Variants in AKR1A1 observed in about 807,000 individuals in gnomAD.
AKR1A1 encodes the protein aldo-keto reductase family 1 member A1, also known as HEL-S-165mP.
AKR1A1 carries 26 observed loss-of-function variants against 39.2 expected under a neutral mutation model. The observed-to-expected ratio is 0.66, with a 90% CI of 0.49 to 0.92. The LOEUF is 0.92. Ranked by LOEUF, AKR1A1 falls within the 40% of genes least tolerant of loss-of-function variation. The pLI, the probability that AKR1A1 is intolerant of heterozygous loss-of-function variation, is 0.00. For synonymous variants in AKR1A1, 141 were observed against 155.5 expected (o/e 0.91, Z 0.69); for missense variants, 378 against 406.5 (o/e 0.93, Z 0.60).
chr1:45,554,288 C>T (rs532335410), intron 1 of AKR1A1, among the ~76,000 whole-genome samples: 6 of 152,138 alleles, frequency 3.9e-5, no homozygotes, highest in African/African-American at 1.4e-4. Flanking sequence ...ATGAGCTGGA[C>T]ATCGTGGCCC....
intron 2 of AKR1A1, among the ~76,000 whole-genome samples, chr1:45,562,499 A>C: frequency 1.4e-5 from 2 of 139,212 alleles, no homozygotes. Context: ...ACACTAACAC[A>C]CGGGCCCAGC....
At chr1:45,566,720 T>C (rs1314010076) in intron 3 of AKR1A1, 32 bp downstream of exon 3, 3 of 1,611,474 alleles carry the variant, frequency 1.9e-6, no homozygotes, top group Admixed American at 1.7e-5. Context: ...AGAGGTGGGA[T>C]AAGAGAACTT....
At chr1:45,565,802 TG>T (rs1301803996) in intron 2 of AKR1A1, among the ~76,000 whole-genome samples, 3 of 143,646 alleles carry the variant, frequency 2.1e-5, no homozygotes, top group Admixed American at 1.4e-4. Flanking sequence ...TTTAAAGAGG[TG>T]GGGGTCTCAC....
chr1:45,568,861 T>G, intron 6 of AKR1A1, 66 bp from the exon 7 acceptor site: 1 of 1,575,242 alleles, frequency 6.3e-7, no homozygotes, highest in Non-Finnish European at 8.7e-7. Flanking sequence ...GGAAGCTGCA[T>G]GGGGAACAAA....
At chr1:45,569,309 G>T in intron 8 of AKR1A1, 80 bp downstream of exon 8, 1 of 1,199,534 alleles carries the variant, frequency 8.3e-7, no homozygotes, top group Non-Finnish European at 1.2e-6. Context: ...CCTAAGGCTT[G>T]CTGGTTGTGA....
At chr1:45,566,410 G>A (rs921162473) in intron 2 of AKR1A1, among the ~76,000 whole-genome samples, 159 bp from the exon 3 acceptor site, 1 of 152,180 alleles carries the variant, frequency 6.6e-6, no homozygotes, top group Non-Finnish European at 1.5e-5. Flanking sequence ...TTACAGGCGT[G>A]AGCCACCGCG....
chr1:45,568,706 AGGGCCCT>A (rs773254653), intron 6 of AKR1A1, 22 bp downstream of exon 6: 29 of 1,612,334 alleles, frequency 1.8e-5, no homozygotes, highest in Non-Finnish European at 2.2e-5. Context: ...TCTTAGGGAG[AGGGCCCT>A]GGGTTGGGAG....
At chr1:45,558,530 T>G (rs1691226) in intron 1 of AKR1A1, among the ~76,000 whole-genome samples, 2,268 of 151,478 alleles carry the variant, frequency 0.015, 56 homozygotes, top group African/African-American at 0.049. Flanking sequence ...CTTCTGAGTA[T>G]CTGGGACCAC....
At chr1:45,569,788 C>A in intron 8 of AKR1A1, 103 bp from the exon 9 acceptor site, 1 of 968,392 alleles carries the variant, frequency 1.0e-6, no homozygotes, top group Non-Finnish European at 1.6e-6. Flanking sequence ...TGGCATAGTG[C>A]TGTACACAGG....
rs1165314229 is a variant in AKR1A1 at position 45,568,945 on chromosome 1, A to G, written c.771A>G (p.Lys257=). The G allele has an allele frequency of 5.0e-6, 8 of 1,614,076 alleles. No homozygotes were observed. Among genetic ancestry groups the G allele is most frequent in the Non-Finnish European group, 5.9e-6 (7 of 1,180,038 alleles). Residue 257 remains lysine (K), a synonymous_variant, in exon 7 of 9, where the codon AAA becomes AAG. Transcript: ENST00000351829. ...QILLRWQVQR[K]VICIPKSITP... ...AACTTAGGTGGCAGGTCCAGCGGAA[A>G]GTGATCTGCATCCCCAAAAGTATCA...
chr1:45,566,711 G>A, intron 3 of AKR1A1, 23 bp downstream of exon 3: 1 of 1,613,480 alleles, frequency 6.2e-7, no homozygotes, highest in South Asian at 1.1e-5. Flanking sequence ...GTTGTAAATA[G>A]AGGTGGGATA....
At chr1:45,556,671 G>A (rs1220652707) in intron 1 of AKR1A1, among the ~76,000 whole-genome samples, 1 of 151,940 alleles carries the variant, frequency 6.6e-6, no homozygotes, top group Admixed American at 6.6e-5. Flanking sequence ...AAGGTCAGGA[G>A]TTCGAGACCA....
intron 1 of AKR1A1, among the ~76,000 whole-genome samples, chr1:45,552,182 T>C (rs1644139599): frequency 6.6e-6 from 1 of 151,956 alleles, no homozygotes; most frequent in Non-Finnish European, 1.5e-5. Flanking sequence ...TATTTATTTA[T>C]TTTCTTTTTA....
chr1:45,554,611 C>T lies in AKR1A1; in HGVS notation c.-7+3456C>T, dbSNP rs370686028. On this transcript the variant is annotated intron_variant, in intron 1 of 8. Coordinates refer to ENST00000351829, the MANE Select transcript of AKR1A1 (RefSeq NM_153326.3). ...AAAGTACAGGAGAAAATACTCTCCT[C>T]ACCAACTACTTATCAAAACCATAAT... Among the ~76,000 whole-genome samples the T allele has an allele frequency of 3.3e-5, 5 of 152,270 alleles. No homozygotes were observed. The East Asian group carries it at 7.7e-4, about 23-fold the overall frequency.
chr1:45,566,436 A>G, intron 2 of AKR1A1, 133 bp from the exon 3 acceptor site: 1 of 1,384,850 alleles, frequency 7.2e-7, no homozygotes, highest in East Asian at 2.3e-5. Context: ...TTCATCTTCC[A>G]TCTTTTCACC....
At chr1:45,557,912 CTT>C (rs67386168) in intron 1 of AKR1A1, among the ~76,000 whole-genome samples, 19 of 112,208 alleles carry the variant, frequency 1.7e-4, no homozygotes, top group East Asian at 2.8e-4. Context: ...CACAACTTGT[CTT>C]TTTTTTTTTT....
intron 2 of AKR1A1, among the ~76,000 whole-genome samples, chr1:45,562,975 C>T (rs370679826): frequency 8.6e-5 from 13 of 151,760 alleles, no homozygotes; most frequent in East Asian, 3.9e-4. Flanking sequence ...TAAAAAAATT[C>T]GAATGCGCCT....
At chr1:45,561,485 C>T (rs1178099818) in intron 1 of AKR1A1, among the ~76,000 whole-genome samples, 3 of 152,126 alleles carry the variant, frequency 2.0e-5, no homozygotes, top group Non-Finnish European at 4.4e-5. Context: ...CTAACTGCAA[C>T]CTCCACCTCC....
intron 2 of AKR1A1, among the ~76,000 whole-genome samples, chr1:45,563,802 A>T (rs1252278885): frequency 6.6e-6 from 1 of 152,236 alleles, no homozygotes; most frequent in Non-Finnish European, 1.5e-5. Flanking sequence ...GAAAAATAAT[A>T]ATAAAATAAA....
Sources: allele counts gnomAD v4.1 joint callset (sites outside exome capture counted in the v4.1 genomes callset), GRCh38; gene constraint gnomAD v4.1.1; transcripts MANE v1.5; gene names NCBI Gene and HGNC (gene_info 2026-07-23, HGNC 2026-07-21).